Variants in GRM5 observed in about 807,000 individuals in gnomAD.
GRM5 encodes metabotropic glutamate receptor 5.
In GRM5, 19 loss-of-function variants were observed where a neutral mutation model predicts 83.1. That is an observed-to-expected ratio of 0.23 (90% CI 0.16 to 0.34). The LOEUF (loss-of-function observed/expected upper bound fraction) is 0.34. Ranked by LOEUF, GRM5 falls within the 10% of genes least tolerant of loss-of-function variation. GRM5 has a pLI of 1.00. For missense variants in GRM5, 1,160 were observed against 1,588.3 expected, an observed-to-expected ratio of 0.73 and a Z score of 4.58; for synonymous variants, 675 against 633.6, an observed-to-expected ratio of 1.07 and a Z score of -0.98.
chr11:88,693,926 G>T (rs561073284), intron 3 of GRM5, among the ~76,000 whole-genome samples: 1 of 152,302 alleles, frequency 6.6e-6, no homozygotes, highest in Non-Finnish European at 1.5e-5. Context: ...AGATAAATGT[G>T]AAATTTGTAA....
chr11:88,815,165 C>A (rs80276302), intron 3 of GRM5, among the ~76,000 whole-genome samples: 1,895 of 152,178 alleles, frequency 0.012, 36 homozygotes, highest in African/African-American at 0.042. Context: ...CCAATATGGA[C>A]CATATTCTAA....
At chr11:88,708,894 G>T (rs904610341) in intron 3 of GRM5, among the ~76,000 whole-genome samples, 37 of 152,204 alleles carry the variant, frequency 2.4e-4, no homozygotes, top group African/African-American at 8.9e-4. Context: ...AGACATTGTG[G>T]TAGGAACTAA....
chr11:88,969,139 T>A (rs1228846944), intron 2 of GRM5, among the ~76,000 whole-genome samples: 1 of 152,084 alleles, frequency 6.6e-6, no homozygotes, highest in East Asian at 1.9e-4. Flanking sequence ...AATATAAGAA[T>A]GCATTTCAGT....
chr11:88,949,668 C>A (rs560956297), intron 2 of GRM5, among the ~76,000 whole-genome samples: 3 of 151,956 alleles, frequency 2.0e-5, no homozygotes, highest in African/African-American at 7.2e-5. Context: ...TAAAGCAAAA[C>A]GTAAGGAAAT....
chr11:88,794,027 T>A (rs1327040936), intron 3 of GRM5, among the ~76,000 whole-genome samples: 1 of 152,148 alleles, frequency 6.6e-6, no homozygotes, highest in East Asian at 1.9e-4. Context: ...CTCTTTATGT[T>A]TCTCAGGCTG....
At chr11:88,700,907 C>T (rs56749707) in intron 3 of GRM5, among the ~76,000 whole-genome samples, 28,044 of 152,154 alleles carry the variant, frequency 0.18, 5,043 homozygotes, top group African/African-American at 0.46. Context: ...ACAGCTTTAA[C>T]CAATACAGTG....
intron 3 of GRM5, among the ~76,000 whole-genome samples, chr11:88,783,508 C>T (rs186864611): frequency 3.0e-4 from 45 of 152,152 alleles, no homozygotes; most frequent in East Asian, 9.7e-4. Context: ...ATAAATGCAA[C>T]GACAAGGGAA....
chr11:88,751,499 G>T (rs949562526), intron 3 of GRM5, among the ~76,000 whole-genome samples: 1 of 152,118 alleles, frequency 6.6e-6, no homozygotes, highest in African/African-American at 2.4e-5. Context: ...GGACCAGACA[G>T]ATTCACAGCT....
At chr11:89,035,862 T>G (rs1239134435) in intron 2 of GRM5, among the ~76,000 whole-genome samples, 1 of 152,068 alleles carries the variant, frequency 6.6e-6, no homozygotes, top group Admixed American at 6.6e-5. Flanking sequence ...GGGTCCATGT[T>G]ATTTTTTTTG....
rs181819049 is a variant in GRM5, at chr11:88,729,319, G to A, written c.912-75916C>T. On this transcript the variant is annotated intron_variant, in intron 3 of 9. Transcript: ENST00000305447. ...AAATACCTAGGAATCCAACTTAGAAGGGATGTGAAGGACCTCTTCAAGGAG... is the reference window on the plus strand; with the variant it reads ...AAATACCTAGGAATCCAACTTAGAAAGGATGTGAAGGACCTCTTCAAGGAG... 9.9e-4 allele frequency among the ~76,000 whole-genome samples: 151 copies of A among 151,918 alleles called. 2 individuals carry two copies. Among genetic ancestry groups the A allele is most frequent in the African/African-American group, 3.6e-3 (147 of 41,406 alleles).
At chr11:88,929,043 G>A (rs530801296) in intron 2 of GRM5, among the ~76,000 whole-genome samples, 108 of 151,936 alleles carry the variant, frequency 7.1e-4, no homozygotes, top group Non-Finnish European at 1.3e-3. Flanking sequence ...CACCAAAAAA[G>A]TGGTCAAGTA....
At chr11:88,815,608 T>C (rs1004978247) in intron 3 of GRM5, among the ~76,000 whole-genome samples, 4 of 152,156 alleles carry the variant, frequency 2.6e-5, no homozygotes, top group African/African-American at 4.8e-5. Context: ...ATTTCACTTA[T>C]TGTGGAAAAT....
intron 2 of GRM5, among the ~76,000 whole-genome samples, chr11:89,037,600 C>G (rs1409031194): frequency 6.6e-6 from 1 of 152,048 alleles, no homozygotes; most frequent in Non-Finnish European, 1.5e-5. Flanking sequence ...AGTTGAGGGA[C>G]TTTGGACAAG....
intron 2 of GRM5, among the ~76,000 whole-genome samples, chr11:88,893,839 C>T (rs191170695): frequency 2.0e-4 from 31 of 152,056 alleles, no homozygotes; most frequent in African/African-American, 7.0e-4. Context: ...CACCCCTTAA[C>T]AGCAGTTAGG....
intron 3 of GRM5, among the ~76,000 whole-genome samples, chr11:88,661,886 C>A: frequency 6.6e-6 from 1 of 152,018 alleles, no homozygotes; most frequent in East Asian, 1.9e-4. Flanking sequence ...CCAGCCAACA[C>A]TAATGAATTA....
At chr11:88,960,336 C>T (rs1938744433) in intron 2 of GRM5, among the ~76,000 whole-genome samples, 1 of 151,972 alleles carries the variant, frequency 6.6e-6, no homozygotes, top group African/African-American at 2.4e-5. Context: ...ATTCTAAGTA[C>T]TTTATATAAG....
intron 3 of GRM5, among the ~76,000 whole-genome samples, chr11:88,777,366 T>A (rs888838256): frequency 4.6e-5 from 7 of 152,212 alleles, no homozygotes; most frequent in African/African-American, 1.4e-4. Context: ...TTTAGCTTCC[T>A]TGCAGTGGGT....
intron 2 of GRM5, among the ~76,000 whole-genome samples, chr11:88,992,423 T>C (rs1333644893): frequency 2.6e-5 from 4 of 152,116 alleles, no homozygotes; most frequent in African/African-American, 9.7e-5. Context: ...TTGGTGGGAC[T>C]GTAAACTAGT....
At chr11:88,929,819 C>T (rs1937646921) in intron 2 of GRM5, among the ~76,000 whole-genome samples, 1 of 152,062 alleles carries the variant, frequency 6.6e-6, no homozygotes, top group African/African-American at 2.4e-5. Context: ...TTTCCCAGTT[C>T]ATCTGGACTG....
Sources: allele counts gnomAD v4.1 joint callset (sites outside exome capture counted in the v4.1 genomes callset), GRCh38; gene constraint gnomAD v4.1.1; transcripts MANE v1.5; gene names NCBI Gene and HGNC (gene_info 2026-07-23, HGNC 2026-07-21).